The following L3MBTL1 variants were observed in gnomAD, a reference collection of about 807,000 sequenced individuals.
L3MBTL1 encodes the protein lethal(3)malignant brain tumor-like protein 1.
In L3MBTL1, 75 loss-of-function variants were observed where a neutral mutation model predicts 105.3. The observed-to-expected ratio is 0.71, with a 90% CI of 0.59 to 0.86. The LOEUF is 0.86. Ranked by LOEUF, L3MBTL1 falls within the 40% of genes least tolerant of loss-of-function variation. The pLI, the probability that L3MBTL1 is intolerant of heterozygous loss-of-function variation, is 0.00. For missense variants in L3MBTL1, 1,069 were observed against 1,126.4 expected (o/e 0.95, Z 0.73); for synonymous variants, 452 against 436.2 (o/e 1.04, Z -0.45).
chr20:43,508,213 TAAAGAG>T (rs1420955676), intron 1 of L3MBTL1, among the ~76,000 whole-genome samples: 2 of 149,816 alleles, frequency 1.3e-5, no homozygotes, highest in Non-Finnish European at 1.5e-5. Context: ...TTTTTGGCCA[TAAAGAG>T]AAAGAATAAA....
At chr20:43,538,529 G>T (rs1307920021) in intron 19 of L3MBTL1, among the ~76,000 whole-genome samples, 1 of 152,188 alleles carries the variant, frequency 6.6e-6, no homozygotes, top group Non-Finnish European at 1.5e-5. Context: ...CTTACATACT[G>T]GTGGGTAGAC....
At chr20:43,518,177 G>A (rs2018504223) in intron 7 of L3MBTL1, among the ~76,000 whole-genome samples, 1 of 149,754 alleles carries the variant, frequency 6.7e-6, no homozygotes, top group Non-Finnish European at 1.5e-5. Context: ...CGTTTTCCAA[G>A]GAAAGAAACT....
Position 43,529,265 on chromosome 20 carries a change from C to G in L3MBTL1, c.953C>G (p.Ser318Cys). 1.2e-6 allele frequency: 2 copies of G among 1,608,224 alleles called. No homozygotes were observed. The highest frequency in any genetic ancestry group is 2.7e-5 in the African/African-American group (2 of 74,970). Residue 318 changes from serine (S) to cysteine (C), a missense_variant and splice_region_variant, in exon 9 of 22, where the codon TCC (serine) becomes TGC (cysteine). Physicochemically the swap from Ser to Cys is moderately radical, Grantham distance 112. Transcript: ENST00000418998. ...CCTCTCCACTCTGTGCGTTGACAGT[C>G]CCAGGCAGTCACTCACAACAAGAAT... The part of the protein sequence containing the change: ...ITAPVSLFQD[S>C]QAVTHNKNGF...
chr20:43,534,063 C>T lies in L3MBTL1; in HGVS notation c.1569C>T (p.Ala523=). Residue 523 remains alanine, a synonymous_variant, in exon 14 of 22, where the codon GCC becomes GCT. Transcript: ENST00000418998. The stretch of plus-strand genomic sequence containing the variant: ...AGAAATATCTGGAAGAAACTGGGGC[C>T]TCTGCTGTCCCCACCTGGGCCTTCA... ...CWEKYLEETG[A]SAVPTWAFKV... 3 of 1,614,094 alleles carry T rather than the reference C, an allele frequency of 1.9e-6. No individual in the cohort carries two copies. The highest frequency in any genetic ancestry group is 1.1e-5 in the South Asian group (1 of 91,082).
In L3MBTL1 at chr20:43,519,914, G is replaced by A. The variant is rs373351749; in HGVS notation, c.862+3737G>A. Reference sequence around the variant, plus strand: ...TTTCCATACATTTTTATAAGGTACCGGTTCTTAATAGCTTTACTGAGATAC... The same window carrying A: ...TTTCCATACATTTTTATAAGGTACCAGTTCTTAATAGCTTTACTGAGATAC... On this transcript the variant is annotated intron_variant, in intron 7 of 21. Transcript: ENST00000418998. Among the ~76,000 whole-genome samples, 17 of 152,144 alleles carry A rather than the reference G, an allele frequency of 1.1e-4. 1 individual carries two copies. Among genetic ancestry groups the A allele is most frequent in the Admixed American group, 5.9e-4 (9 of 15,286 alleles).
At position 43,515,146 on chromosome 20, in the gene L3MBTL1, C is replaced by G. The variant is rs2018318128; in HGVS notation, c.640C>G (p.Leu214Val). 1.2e-6 allele frequency: 2 copies of G among 1,614,178 alleles called. No homozygotes were observed. The highest frequency in any genetic ancestry group is 1.7e-6 in the Non-Finnish European group (2 of 1,180,020). Reference sequence around the variant, plus strand: ...TTCCTCTAATGATGGCTGCCCTCAGCTGTTCCAGGAGCGGTAAGGGGAGGA... The same window carrying G: ...TTCCTCTAATGATGGCTGCCCTCAGGTGTTCCAGGAGCGGTAAGGGGAGGA... ...LGSSNDGCPQ[L>V]FQERSVIVEN... The change falls in exon 5 of 22, where the codon CTG becomes GTG. Residue 214 changes from leucine to valine, a missense_variant. By Grantham distance (32) the Leu-to-Val change is conservative. Coordinates refer to ENST00000418998, the MANE Select transcript of L3MBTL1 (RefSeq NM_001377303.1).
Position 43,515,085 on chromosome 20 carries a change from G to A in L3MBTL1, c.579G>A (p.Ala193=), listed in dbSNP as rs761030705. ...ATGATAGCACCTGTCAGTGCCAGGC[G>A]TGCGGGCCTCACCAAGCCGCGGGTC... ...PEDDSTCQCQ[A]CGPHQAAGPD... is the part of the protein sequence containing the mutation. Residue 193 remains alanine (A), a synonymous_variant, in exon 5 of 22, where the codon GCG becomes GCA. Transcript: ENST00000418998. The A allele has an allele frequency of 1.9e-6, 3 of 1,614,164 alleles. No individual in the cohort carries two copies. Among genetic ancestry groups the A allele is most frequent in the South Asian group, 1.1e-5 (1 of 91,090 alleles).
chr20:43,516,406 C>T (rs780217446), intron 7 of L3MBTL1, among the ~76,000 whole-genome samples: 46 of 152,148 alleles, frequency 3.0e-4, no homozygotes, highest in Non-Finnish European at 5.4e-4. Context: ...CCTCTATTAT[C>T]CAGTCATGAC....
chr20:43,546,711 C>T (rs1414204546), downstream of L3MBTL1, among the ~76,000 whole-genome samples: 1 of 152,152 alleles, frequency 6.6e-6, no homozygotes, highest in Non-Finnish European at 1.5e-5. Context: ...AACTGACTTC[C>T]CTCCTTGACT....
At chr20:43,547,585 G>C (rs57599474) in intron 18 of L3MBTL1, among the ~76,000 whole-genome samples, 2,541 of 152,214 alleles carry the variant, frequency 0.017, 80 homozygotes, top group African/African-American at 0.058. Context: ...TTCTCTCTCT[G>C]TGTCTCTCTG....
intron 4 of L3MBTL1, 88 bp downstream of exon 4, chr20:43,514,864 G>GGGT: frequency 6.9e-7 from 1 of 1,455,470 alleles, no homozygotes; most frequent in South Asian, 1.4e-5. Context: ...GCGGGGCCCG[G>GGGT]GGTGGTCCTG....
chr20:43,525,150 A>G (rs2018962255), intron 7 of L3MBTL1, among the ~76,000 whole-genome samples: 1 of 151,462 alleles, frequency 6.6e-6, no homozygotes, highest in African/African-American at 2.4e-5. Flanking sequence ...ATCACTTCCA[A>G]GTTTCTGGCT....
chr20:43,536,991 C>T (rs903828199), intron 19 of L3MBTL1, among the ~76,000 whole-genome samples: 1 of 152,208 alleles, frequency 6.6e-6, no homozygotes, highest in Non-Finnish European at 1.5e-5. Flanking sequence ...CTAACTCTCA[C>T]AAGAGTTCTC....
At chr20:43,532,729 A>G in intron 11 of L3MBTL1, 44 bp from the exon 12 acceptor site, 1 of 1,611,868 alleles carries the variant, frequency 6.2e-7, no homozygotes, top group Non-Finnish European at 8.5e-7. Flanking sequence ...GGCTGGTCTT[A>G]GCCAGCTTGG....
chr20:43,512,268 G>C (rs997625081), intron 1 of L3MBTL1, among the ~76,000 whole-genome samples: 4 of 152,212 alleles, frequency 2.6e-5, no homozygotes, highest in Admixed American at 1.3e-4. Context: ...GAGATGGAGA[G>C]AAGTGGTTAG....
rs2018373856 is a variant in L3MBTL1 at position 43,516,080 on chromosome 20, T to C, written c.778-13T>C. Reference sequence around the variant, plus strand: ...TGAGGAGAAGAAGCTGGGATCAGGCTTGCCTTCTACAGGAGAAGCAAGAAG... The same window carrying C: ...TGAGGAGAAGAAGCTGGGATCAGGCCTGCCTTCTACAGGAGAAGCAAGAAG... On this transcript the variant is annotated splice_polypyrimidine_tract_variant and intron_variant, in intron 6 of 21. Transcript: ENST00000418998. 1.2e-6 allele frequency: 2 copies of C among 1,606,192 alleles called. No homozygotes were observed. Among genetic ancestry groups the C allele is most frequent in the African/African-American group, 1.3e-5 (1 of 74,744 alleles).
intron 15 of L3MBTL1, 37 bp downstream of exon 15, chr20:43,534,431 C>A (rs1432812318): frequency 1.3e-6 from 2 of 1,542,066 alleles, no homozygotes; most frequent in Admixed American, 1.7e-5. Flanking sequence ...AGTGGACAGG[C>A]CAGTTGGGCA....
intron 8 of L3MBTL1, 72 bp from the exon 9 acceptor site, chr20:43,529,192 T>C (rs2019194714): frequency 8.2e-7 from 1 of 1,214,322 alleles, no homozygotes; most frequent in Non-Finnish European, 1.2e-6. Flanking sequence ...AGGCAGCTCC[T>C]TCACCCCAAG....
rs1600947582 is a variant in L3MBTL1, at chr20:43,534,360, C to T, written c.1676C>T (p.Ala559Val). 19 of 1,614,094 alleles carry T rather than the reference C, an allele frequency of 1.2e-5. No individual in the cohort carries two copies. The highest frequency in any genetic ancestry group is 1.5e-5 in the Non-Finnish European group (18 of 1,179,986). ...DRRNPALIRV[A>V]SVEDVEDHRI... The stretch of plus-strand genomic sequence containing the variant: ...AGGAACCCAGCCCTGATTCGCGTGG[C>T]CAGCGTGGAGGATGTGGAGGACCAT... The change falls in exon 15 of 22, where the codon GCC becomes GTC. Residue 559 changes from alanine (A) to valine (V), a missense_variant. Physicochemically the swap from Ala to Val is moderately conservative, Grantham distance 64. Transcript: ENST00000418998.
Sources: allele counts gnomAD v4.1 joint callset (sites outside exome capture counted in the v4.1 genomes callset), GRCh38; gene constraint gnomAD v4.1.1; transcripts MANE v1.5; gene names NCBI Gene and HGNC (gene_info 2026-07-23, HGNC 2026-07-21).